XPO6: variants seen among roughly 807,000 people sequenced by gnomAD.
The protein encoded by XPO6 is exportin-6.
A neutral mutation model predicts 130.0 loss-of-function variants in XPO6; 3 were observed. That is an observed-to-expected ratio of 0.02 (90% CI 0.01 to 0.06). The LOEUF (loss-of-function observed/expected upper bound fraction) is 0.06. XPO6 is among the 10% of genes least tolerant of loss of function. XPO6 has a pLI of 1.00. For missense variants in XPO6, 970 were observed against 1,393.0 expected, an observed-to-expected ratio of 0.70 and a Z score of 4.83; for synonymous variants, 524 against 548.9, an observed-to-expected ratio of 0.95 and a Z score of 0.63.
chr16:28,149,129 T>C (rs931414690), intron 8 of XPO6, among the ~76,000 whole-genome samples: 2 of 149,230 alleles, frequency 1.3e-5, no homozygotes, highest in African/African-American at 4.9e-5. Flanking sequence ...CCCCAGGGTA[T>C]ACCATCTCAG....
intron 1 of XPO6, among the ~76,000 whole-genome samples, chr16:28,192,631 G>A (rs548937796): frequency 3.3e-5 from 5 of 152,084 alleles, no homozygotes; most frequent in Admixed American, 6.5e-5. Flanking sequence ...ACCTCACACT[G>A]GGTAGATGTG....
chr16:28,100,331 G>C (rs1402399252), intron 23 of XPO6, among the ~76,000 whole-genome samples: 1 of 152,198 alleles, frequency 6.6e-6, no homozygotes, highest in Non-Finnish European at 1.5e-5. Context: ...TCAAAAAGTT[G>C]ACTGATATTG....
In XPO6 at chr16:28,132,965, G is replaced by T. The variant is rs908106506; in HGVS notation, c.1537-562C>A. 2.0e-5 allele frequency among the ~76,000 whole-genome samples: 3 copies of T among 152,192 alleles called. No individual in the cohort carries two copies. Among genetic ancestry groups the T allele is most frequent in the Non-Finnish European group, 4.4e-5 (3 of 68,042 alleles). On this transcript the variant is annotated intron_variant, in intron 11 of 23. Coordinates refer to ENST00000304658, the MANE Select transcript of XPO6 (RefSeq NM_015171.4). This position sits in a 1 kb window ranked among gnomAD's most constrained non-coding sequence, Gnocchi z 4.0. Reference sequence around the variant, plus strand: ...CACCAGTAAGATTAAAACGTGACTGGCCCCTAAGAAAGGCAGATGGCAAAG... The same window carrying T: ...CACCAGTAAGATTAAAACGTGACTGTCCCCTAAGAAAGGCAGATGGCAAAG...
In XPO6 at chr16:28,110,149, A is replaced by G. The variant is rs553725124; in HGVS notation, c.2341+1668T>C. Reference sequence around the variant, plus strand: ...GATAAGACATACCTCACAGGGTTACAGGGTTACACAGGAAGTTACATGAAA... The same window carrying G: ...GATAAGACATACCTCACAGGGTTACGGGGTTACACAGGAAGTTACATGAAA... On this transcript the variant is annotated intron_variant, in intron 17 of 23. Transcript: ENST00000304658. Among the ~76,000 whole-genome samples the G allele has an allele frequency of 7.2e-5, 11 of 152,350 alleles. No homozygotes were observed. The South Asian group carries it at 1.4e-3, about 20-fold the overall frequency.
Position 28,125,813 on chromosome 16 carries a change from G to A in XPO6, c.1642C>T (p.Arg548Trp), listed in dbSNP as rs763779312. The A allele has an allele frequency of 7.4e-6, 12 of 1,613,996 alleles. No homozygotes were observed. Among genetic ancestry groups the A allele is most frequent in the Admixed American group, 1.7e-5 (1 of 59,998 alleles). ...TCTCTCAGGGAGCAGTGCAGCCGCC[G>A]GCAGTCGTTCTCCGCCGTGATGTTC... ...RLNITAENDC[R>W]RLHCSLRDLS... Residue 548 changes from arginine to tryptophan, a missense_variant, in exon 13 of 24, where the codon CGG becomes TGG. Coordinates refer to ENST00000304658, the MANE Select transcript of XPO6 (RefSeq NM_015171.4).
At chr16:28,137,603 C>T (rs2042804961) in intron 9 of XPO6, among the ~76,000 whole-genome samples, 1 of 151,728 alleles carries the variant, frequency 6.6e-6, no homozygotes, top group Admixed American at 6.6e-5. Flanking sequence ...TACAAATCCT[C>T]CTGGATTGTC....
intron 1 of XPO6, 21 bp downstream of exon 1, chr16:28,211,344 AG>A (rs759835519): frequency 1.4e-5 from 18 of 1,312,210 alleles, no homozygotes; most frequent in Non-Finnish European, 1.7e-5. Flanking sequence ...CCAGGAGGGA[AG>A]GGGGCTCCAA....
At chr16:28,153,126 C>A (rs2043122966) in intron 7 of XPO6, 2 of 1,027,720 alleles carry the variant, frequency 1.9e-6, no homozygotes, top group Middle Eastern at 4.7e-4. Flanking sequence ...TCATTTCAAT[C>A]TGGCAAGTCT....
chr16:28,156,748 T>G (rs1333485829), intron 6 of XPO6, among the ~76,000 whole-genome samples: 1 of 152,146 alleles, frequency 6.6e-6, no homozygotes, highest in Non-Finnish European at 1.5e-5. Context: ...TGATTCTTAG[T>G]GAGGGGGATC....
At chr16:28,154,247 T>C (rs2043145064) in intron 7 of XPO6, 1 of 576,422 alleles carries the variant, frequency 1.7e-6, no homozygotes, top group Non-Finnish European at 2.0e-6. Context: ...AATTCCCTAC[T>C]ACCCATTTAA....
chr16:28,126,028 A>G (rs1053589890), intron 12 of XPO6, among the ~76,000 whole-genome samples, 180 bp from the exon 13 acceptor site: 3 of 152,158 alleles, frequency 2.0e-5, no homozygotes, highest in Admixed American at 2.0e-4. Flanking sequence ...GTATCCACCT[A>G]ACACTACACG....
At chr16:28,142,113 A>G (rs1272154953) in intron 9 of XPO6, among the ~76,000 whole-genome samples, 1 of 152,224 alleles carries the variant, frequency 6.6e-6, no homozygotes, top group Non-Finnish European at 1.5e-5. Context: ...ACTTAACCAC[A>G]CCTACATTTC....
chr16:28,125,736 C>T lies in XPO6; in HGVS notation c.1719G>A (p.Gly573=), dbSNP rs1409395937. ...CATTGAACCGTGCAGCAAACACATC[C>T]CCGATAAAGTACTCGGCCAGGCGGC... The part of the protein sequence containing the change: ...AVGRLAEYFI[G]DVFAARFNDA... The change falls in exon 13 of 24, where the codon GGG becomes GGA. Residue 573 remains glycine, a synonymous_variant. Transcript: ENST00000304658. The T allele has an allele frequency of 1.2e-6, 2 of 1,614,190 alleles. No individual in the cohort carries two copies. Among genetic ancestry groups the T allele is most frequent in the Admixed American group, 3.3e-5 (2 of 60,022 alleles).
intron 15 of XPO6, 41 bp from the exon 16 acceptor site, chr16:28,113,091 T>G: frequency 1.3e-6 from 2 of 1,593,338 alleles, no homozygotes; most frequent in Non-Finnish European, 1.7e-6. Flanking sequence ...CACATCCCTG[T>G]AAGACTGGGA....
chr16:28,102,076 C>T, intron 21 of XPO6, 131 bp from the exon 22 acceptor site: 1 of 671,368 alleles, frequency 1.5e-6, no homozygotes, highest in Non-Finnish European at 2.5e-6. Context: ...CCAGCTCAGA[C>T]CTCTACGACG....
At chr16:28,140,396 A>C (rs969112090) in intron 9 of XPO6, among the ~76,000 whole-genome samples, 2 of 150,378 alleles carry the variant, frequency 1.3e-5, no homozygotes, top group African/African-American at 4.9e-5. Context: ...AATTTGAAGG[A>C]TAGCCGGGCG....
intron 3 of XPO6, 68 bp from the exon 4 acceptor site, chr16:28,176,163 A>C (rs1425446435): frequency 1.4e-6 from 2 of 1,456,058 alleles, no homozygotes; most frequent in East Asian, 4.6e-5. Flanking sequence ...TTCATCCCAC[A>C]GGTAGCTATT....
At position 28,142,580 on chromosome 16, in the gene XPO6, T is replaced by A. The variant is rs117399237; in HGVS notation, c.1334+3514A>T. 7.9e-3 allele frequency among the ~76,000 whole-genome samples: 1,205 copies of A among 152,186 alleles called. 7 individuals are homozygous for A. The highest frequency in any genetic ancestry group is 0.014 in the Non-Finnish European group (954 of 67,990). On this transcript the variant is annotated intron_variant, in intron 9 of 23. Coordinates refer to ENST00000304658, the MANE Select transcript of XPO6 (RefSeq NM_015171.4). ...GTTTTTGTTGTTGTTGTTGTTTTAT[T>A]TTATTTTAGAGACAGAGTCTTGCTC...
In XPO6 at chr16:28,106,718, C is replaced by T. The variant is rs184561721; in HGVS notation, c.2498-221G>A. The stretch of plus-strand genomic sequence containing the variant: ...GGTATAGGGAACCTCCACCTGGTGG[C>T]TCACTACAGGAAATGAAGGTCATCT... On this transcript the variant is annotated intron_variant, in intron 18 of 23. Transcript: ENST00000304658. The surrounding 1 kb of genome is among the most constrained non-coding windows in gnomAD (Gnocchi z 4.2). Among the ~76,000 whole-genome samples the T allele has an allele frequency of 8.5e-4, 129 of 152,314 alleles. 3 individuals carry two copies. The highest frequency in any genetic ancestry group is 1.2e-4 in the Non-Finnish European group (8 of 68,022).
Sources: allele counts gnomAD v4.1 joint callset (sites outside exome capture counted in the v4.1 genomes callset), GRCh38; gene constraint gnomAD v4.1.1; non-coding constraint Gnocchi (gnomAD v3.1); transcripts MANE v1.5; gene names NCBI Gene and HGNC (gene_info 2026-07-23, HGNC 2026-07-21).